Variants in NELL1 observed in about 807,000 individuals in gnomAD.
NELL1 encodes protein kinase C-binding protein NELL1.
NELL1 carries 76 observed loss-of-function variants against 107.4 expected under a neutral mutation model. The ratio of observed to expected loss-of-function variants is 0.71; its 90% CI spans 0.59 to 0.86. The LOEUF (loss-of-function observed/expected upper bound fraction) is 0.86, where lower values mean the gene tolerates loss of function less well. Ranked by LOEUF, NELL1 falls within the 40% of genes least tolerant of loss-of-function variation. The pLI, the probability that NELL1 is intolerant of heterozygous loss-of-function variation, is 0.00. For missense variants in NELL1, 1,024 were observed against 1,005.5 expected (o/e 1.02, Z -0.25); for synonymous variants, 353 against 341.2 (o/e 1.03, Z -0.38).
chr11:21,561,923 T>A (rs541719872), intron 17 of NELL1, among the ~76,000 whole-genome samples: 1 of 152,176 alleles, frequency 6.6e-6, no homozygotes, highest in African/African-American at 2.4e-5. Context: ...TAATTCCTCA[T>A]GGAAGAGGAT....
At chr11:20,937,673 C>T in intron 9 of NELL1, 113 bp from the exon 10 acceptor site, 1 of 755,244 alleles carries the variant, frequency 1.3e-6, no homozygotes, top group East Asian at 2.6e-5. Context: ...ATTTGTATTG[C>T]TCAGAAGCAG....
chr11:21,037,392 A>T (rs1853121820), intron 12 of NELL1, among the ~76,000 whole-genome samples: 1 of 152,066 alleles, frequency 6.6e-6, no homozygotes, highest in African/African-American at 2.4e-5. Flanking sequence ...AAATAAATAA[A>T]TTTGACCTTG....
intron 14 of NELL1, among the ~76,000 whole-genome samples, chr11:21,291,126 AC>A (rs1849249322): frequency 6.6e-6 from 1 of 152,200 alleles, no homozygotes. Flanking sequence ...AACCAGAATA[AC>A]CAGTTCAGAG....
intron 9 of NELL1, among the ~76,000 whole-genome samples, chr11:20,930,910 A>G (rs971203863): frequency 1.3e-4 from 20 of 152,060 alleles, no homozygotes; most frequent in African/African-American, 3.4e-4. Flanking sequence ...AGAGTTTAAT[A>G]AAGTGGGAAT....
At chr11:21,511,804 G>T (rs982484534) in intron 15 of NELL1, among the ~76,000 whole-genome samples, 1 of 152,160 alleles carries the variant, frequency 6.6e-6, no homozygotes, top group African/African-American at 2.4e-5. Flanking sequence ...GGTATGGGAT[G>T]AGAAAAAGCA....
At chr11:20,979,943 C>G (rs562664033) in intron 12 of NELL1, among the ~76,000 whole-genome samples, 1 of 152,222 alleles carries the variant, frequency 6.6e-6, no homozygotes, top group African/African-American at 2.4e-5. Context: ...AAAGGAAGAA[C>G]AGGACCTTCT....
intron 13 of NELL1, among the ~76,000 whole-genome samples, chr11:21,142,509 T>A (rs911772805): frequency 1.2e-4 from 19 of 152,144 alleles, no homozygotes; most frequent in African/African-American, 4.6e-4. Flanking sequence ...GGGACAGAGG[T>A]TTCCATTTTG....
intron 13 of NELL1, among the ~76,000 whole-genome samples, chr11:21,218,666 C>A (rs375798793): frequency 1.3e-4 from 20 of 152,130 alleles, no homozygotes; most frequent in Admixed American, 8.5e-4. Flanking sequence ...TCCAGCTTCT[C>A]ATAACCACAA....
At chr11:21,053,325 G>A (rs1853541438) in intron 12 of NELL1, among the ~76,000 whole-genome samples, 1 of 152,064 alleles carries the variant, frequency 6.6e-6, no homozygotes, top group Non-Finnish European at 1.5e-5. Flanking sequence ...CTGTGTCCAT[G>A]TGTTTTCATT....
chr11:21,281,880 A>G (rs1169856145), intron 14 of NELL1, among the ~76,000 whole-genome samples: 1 of 152,226 alleles, frequency 6.6e-6, no homozygotes. Flanking sequence ...AAGACCTCAA[A>G]CTATGAAACT....
At chr11:21,306,162 G>A (rs923214609) in intron 14 of NELL1, among the ~76,000 whole-genome samples, 1 of 151,830 alleles carries the variant, frequency 6.6e-6, no homozygotes, top group African/African-American at 2.4e-5. Context: ...TTTTTCATTT[G>A]GATATCACAC....
Position 21,501,594 on chromosome 11 carries a change from A to C in NELL1, c.1646-32780A>C, listed in dbSNP as rs544788057. Among the ~76,000 whole-genome samples the C allele has an allele frequency of 3.0e-4, 46 of 152,330 alleles. No individual in the cohort carries two copies. The Middle Eastern group carries it at 0.01, about 34-fold the overall frequency. On this transcript the variant is annotated intron_variant, in intron 15 of 19. Coordinates refer to ENST00000357134, the MANE Select transcript of NELL1 (RefSeq NM_006157.5). Reference sequence around the variant, plus strand: ...AAGAAATGTACAATCAACTGTGGGCAATAATATGTGCATTATTGGGATTTA... The same window carrying C: ...AAGAAATGTACAATCAACTGTGGGCCATAATATGTGCATTATTGGGATTTA...
chr11:21,567,640 G>C (rs984514263), intron 17 of NELL1, among the ~76,000 whole-genome samples: 1 of 151,724 alleles, frequency 6.6e-6, no homozygotes, highest in Non-Finnish European at 1.5e-5. Flanking sequence ...AGAATATAAA[G>C]CTTTTAAGGT....
chr11:21,154,793 G>A (rs918122913), intron 13 of NELL1, among the ~76,000 whole-genome samples: 4 of 152,052 alleles, frequency 2.6e-5, no homozygotes, highest in Admixed American at 6.6e-5. Context: ...TATCATGTGG[G>A]CCTTTAAAAA....
Position 20,748,899 on chromosome 11 carries a change from T to TCCATCCATCCATCCACCCAG in NELL1, c.185-34778_185-34777insTCCATCCATCCACCCAGCCA, listed in dbSNP as rs1315399626. Among the ~76,000 whole-genome samples the TCCATCCATCCATCCACCCAG allele has an allele frequency of 8.9e-4, 48 of 53,948 alleles. 1 individual carries two copies. The highest frequency in any genetic ancestry group is 2.1e-3 in the African/African-American group (48 of 22,702). 35.4% of individuals were successfully genotyped at this position (53,948 alleles called of 152,430 possible). A position where few individuals can be genotyped will look rare whatever the true frequency, so the allele number is the denominator to read the frequency against. On this transcript the variant is annotated intron_variant, in intron 2 of 19. Transcript: ENST00000357134. ...ATCCATCCATCCATCCATCCATCCA[T>TCCATCCATCCATCCACCCAG]CCACCCAGCCACCCATCCATCCATC...
Position 20,792,899 on chromosome 11 carries a change from T to C in NELL1, c.335+9069T>C, listed in dbSNP as rs76088438. ...CATTAATAAGTGAGATGCCATAGAT[T>C]TTTCTGTGTATTTGAGTTAATTCAA... On this transcript the variant is annotated intron_variant, in intron 3 of 19. Coordinates refer to ENST00000357134, the MANE Select transcript of NELL1 (RefSeq NM_006157.5). Among the ~76,000 whole-genome samples, 1,498 of 152,050 alleles carry C rather than the reference T, an allele frequency of 9.9e-3. 12 individuals are homozygous for C. Among genetic ancestry groups the C allele is most frequent in the Middle Eastern group, 0.031 (9 of 294 alleles).
intron 13 of NELL1, chr11:21,170,253 G>A: frequency 2.6e-6 from 1 of 379,432 alleles, no homozygotes; most frequent in Middle Eastern, 7.3e-4. Context: ...ATAACTACAA[G>A]GGTATGGGCC....
chr11:21,274,645 G>T (rs1439455438), intron 14 of NELL1, among the ~76,000 whole-genome samples: 9 of 152,228 alleles, frequency 5.9e-5, no homozygotes, highest in African/African-American at 1.9e-4. Context: ...CCACTTAGTT[G>T]GAAGTAAAGC....
chr11:21,551,007 T>C (rs1331739940), intron 16 of NELL1, among the ~76,000 whole-genome samples: 1 of 151,008 alleles, frequency 6.6e-6, no homozygotes, highest in Non-Finnish European at 1.5e-5. Flanking sequence ...TTTATCCTCT[T>C]TTATTTCATG....
Sources: gnomAD v4.1 joint callset for allele counts (sites outside exome capture counted in the v4.1 genomes callset) on GRCh38, gnomAD v4.1.1 for gene constraint, MANE v1.5 for transcripts, NCBI Gene and HGNC (gene_info 2026-07-23, HGNC 2026-07-21) for gene names.